DAD1: variants seen among roughly 807,000 people sequenced by gnomAD.
DAD1 encodes the protein dolichyl-diphosphooligosaccharide--protein glycosyltransferase subunit DAD1.
A neutral mutation model predicts 9.0 loss-of-function variants in DAD1; 4 were observed. The ratio of observed to expected loss-of-function variants is 0.44; its 90% CI spans 0.22 to 1.01. The LOEUF (loss-of-function observed/expected upper bound fraction) is 1.01, where lower values mean the gene tolerates loss of function less well. Ranked by LOEUF, DAD1 falls within the 50% of genes least tolerant of loss-of-function variation. DAD1 has a pLI of 0.24. For synonymous variants in DAD1, 60 were observed against 62.5 expected, an observed-to-expected ratio of 0.96 and a Z score of 0.19; for missense variants, 119 against 137.3, an observed-to-expected ratio of 0.87 and a Z score of 0.67.
At chr14:22,566,689 C>A (rs917071314) in intron 2 of DAD1, among the ~76,000 whole-genome samples, 1 of 152,180 alleles carries the variant, frequency 6.6e-6, no homozygotes, top group African/African-American at 2.4e-5. Context: ...TTTCAGTGAA[C>A]AAAGCCTTGA....
intron 1 of DAD1, among the ~76,000 whole-genome samples, chr14:22,586,095 A>G (rs991369056): frequency 6.6e-6 from 1 of 151,934 alleles, no homozygotes; most frequent in Non-Finnish European, 1.5e-5. Context: ...AGTCCCAGCT[A>G]CTCAGGAGGC....
At chr14:22,575,903 A>C (rs1480042649) in intron 1 of DAD1, among the ~76,000 whole-genome samples, 1 of 152,230 alleles carries the variant, frequency 6.6e-6, no homozygotes, top group Non-Finnish European at 1.5e-5. Flanking sequence ...GCAGGTACCC[A>C]GAGGAAGCCA....
chr14:22,584,083 T>G (rs1001099512), intron 1 of DAD1, among the ~76,000 whole-genome samples: 2 of 152,090 alleles, frequency 1.3e-5, no homozygotes, highest in African/African-American at 4.8e-5. Flanking sequence ...CATATTTACT[T>G]GTCTGTATTT....
chr14:22,572,492 C>T (rs2037048139), intron 2 of DAD1, among the ~76,000 whole-genome samples: 1 of 152,144 alleles, frequency 6.6e-6, no homozygotes, highest in Non-Finnish European at 1.5e-5. Flanking sequence ...TGAACATACT[C>T]TCCATAGAAA....
At chr14:22,587,826 C>A (rs903103901) in intron 1 of DAD1, among the ~76,000 whole-genome samples, 11 of 151,804 alleles carry the variant, frequency 7.2e-5, no homozygotes, top group Non-Finnish European at 1.6e-4. Context: ...ACAACCTCCA[C>A]CTCCCGGGTT....
chr14:22,588,293 G>C lies in DAD1; in HGVS notation c.211+654C>G, dbSNP rs185937503. ...ACTGAATCCCCGTTGGGCAAGAAAA[G>C]TCAGATTTTAACAAAAATTGATGGA... On this transcript the variant is annotated intron_variant, in intron 1 of 2. Coordinates refer to ENST00000250498, the MANE Select transcript of DAD1 (RefSeq NM_001344.4). Among the ~76,000 whole-genome samples the C allele has an allele frequency of 1.9e-3, 297 of 152,320 alleles. 3 individuals are homozygous for C. The highest frequency in any genetic ancestry group is 0.01 in the Middle Eastern group (3 of 294).
At chr14:22,584,223 C>A (rs975212107) in intron 1 of DAD1, among the ~76,000 whole-genome samples, 2 of 152,084 alleles carry the variant, frequency 1.3e-5, no homozygotes, top group Admixed American at 6.6e-5. Context: ...GGCCTGCTCA[C>A]CATTTAACAT....
chr14:22,585,280 G>A (rs2037144397), intron 1 of DAD1, among the ~76,000 whole-genome samples: 1 of 151,298 alleles, frequency 6.6e-6, no homozygotes, highest in African/African-American at 2.5e-5. Context: ...GTTGGGAAAT[G>A]AATTAAAACT....
Position 22,588,943 on chromosome 14 carries a change from T to C in DAD1, c.211+4A>G. The C allele has an allele frequency of 6.2e-7, 1 of 1,613,858 alleles. No homozygotes were observed. The highest frequency in any genetic ancestry group is 8.5e-7 in the Non-Finnish European group (1 of 1,179,900). ...ATTATTATGATCACTTATAGAACCA[T>C]TACCCGCTAGGATGAAACTCCCCAC... On this transcript the variant is annotated splice_donor_region_variant and intron_variant, in intron 1 of 2. Transcript: ENST00000250498.
chr14:22,568,837 A>C (rs1410141042), intron 2 of DAD1, among the ~76,000 whole-genome samples: 1 of 151,988 alleles, frequency 6.6e-6, no homozygotes. Flanking sequence ...AGCTGGGACC[A>C]CAGGCACACG....
chr14:22,572,567 GC>G (rs1221916241), intron 2 of DAD1, among the ~76,000 whole-genome samples: 1 of 152,170 alleles, frequency 6.6e-6, no homozygotes, highest in East Asian at 1.9e-4. Flanking sequence ...TCCCAGCTGA[GC>G]AGGTGGTCCT....
chr14:22,574,536 C>T (rs1368118972), intron 2 of DAD1, among the ~76,000 whole-genome samples: 1 of 152,110 alleles, frequency 6.6e-6, no homozygotes, highest in Non-Finnish European at 1.5e-5. Context: ...AGCAGCATCC[C>T]ATCTTATATT....
At chr14:22,578,252 T>TA (rs71115559) in intron 1 of DAD1, among the ~76,000 whole-genome samples, 13,417 of 140,068 alleles carry the variant, frequency 0.096, 1,088 homozygotes, top group African/African-American at 0.23. Flanking sequence ...AAACTCCATC[T>TA]AAAAAAAAAA....
At chr14:22,567,902 C>T (rs1472567075) in intron 2 of DAD1, among the ~76,000 whole-genome samples, 4 of 152,188 alleles carry the variant, frequency 2.6e-5, no homozygotes, top group African/African-American at 9.7e-5. Context: ...CCTTTCCTAT[C>T]AATCTCTGCC....
intron 1 of DAD1, among the ~76,000 whole-genome samples, chr14:22,587,223 T>C (rs990037895): frequency 6.6e-6 from 1 of 152,208 alleles, no homozygotes; most frequent in Non-Finnish European, 1.5e-5. Flanking sequence ...AAAGCATCCA[T>C]GAAAAATCAT....
chr14:22,586,969 C>T (rs1464663659), intron 1 of DAD1, among the ~76,000 whole-genome samples: 1 of 152,144 alleles, frequency 6.6e-6, no homozygotes, highest in African/African-American at 2.4e-5. Flanking sequence ...AAATCCTAAT[C>T]CCCCTTATTG....
chr14:22,580,391 C>T (rs2037108096), intron 1 of DAD1, among the ~76,000 whole-genome samples: 3 of 151,526 alleles, frequency 2.0e-5, no homozygotes, highest in South Asian at 4.2e-4. Flanking sequence ...CATGCCACCG[C>T]ACTCTGGCCT....
intron 1 of DAD1, among the ~76,000 whole-genome samples, 200 bp from the exon 2 acceptor site, chr14:22,575,433 G>T (rs1017466893): frequency 6.6e-6 from 1 of 152,078 alleles, no homozygotes; most frequent in East Asian, 1.9e-4. Flanking sequence ...CAGTAAAATG[G>T]ATAAATTATA....
intron 2 of DAD1, among the ~76,000 whole-genome samples, chr14:22,571,075 G>A (rs559553280): frequency 6.7e-6 from 1 of 150,102 alleles, no homozygotes; most frequent in African/African-American, 2.4e-5. Context: ...TGTAATCCCA[G>A]CACTTTGGGA....
Sources: allele counts gnomAD v4.1 joint callset (sites outside exome capture counted in the v4.1 genomes callset), GRCh38; gene constraint gnomAD v4.1.1; transcripts MANE v1.5; gene names NCBI Gene and HGNC (gene_info 2026-07-23, HGNC 2026-07-21).